The following STARD13 variants were observed in gnomAD, a reference collection of about 807,000 sequenced individuals.
STARD13 encodes StAR related lipid transfer domain containing 13.
A neutral mutation model predicts 106.4 loss-of-function variants in STARD13; 62 were observed. The observed-to-expected ratio is 0.58, with a 90% CI of 0.48 to 0.72. STARD13 has a LOEUF of 0.72. Among genes scored for constraint, STARD13 ranks in the 30% least tolerant of loss-of-function variants. The pLI is 0.00. For synonymous variants in STARD13, 565 were observed against 553.0 expected, an observed-to-expected ratio of 1.02 and a Z score of -0.31; for missense variants, 1,387 against 1,424.0, an observed-to-expected ratio of 0.97 and a Z score of 0.42.
the STARD13 span, among the ~76,000 whole-genome samples, chr13:33,591,038 A>G: frequency 6.4e-4 from 97 of 152,380 alleles, 2 homozygotes; most frequent in East Asian, 0.018. Context: ...TTCTAATAAC[A>G]TTTGGAATTT....
the STARD13 span, among the ~76,000 whole-genome samples, chr13:33,355,854 T>A: frequency 2.6e-5 from 4 of 152,248 alleles, no homozygotes; most frequent in Non-Finnish European, 5.9e-5. Flanking sequence ...CTTTGAATGC[T>A]AACAATTTTG....
the STARD13 span, among the ~76,000 whole-genome samples, chr13:33,588,327 A>C: frequency 6.6e-6 from 1 of 152,216 alleles, no homozygotes; most frequent in South Asian, 2.1e-4. Context: ...TTCTAATAGA[A>C]GGTCTTAGAT....
At chr13:33,428,365 C>G in the STARD13 span, among the ~76,000 whole-genome samples, 1 of 152,000 alleles carries the variant, frequency 6.6e-6, no homozygotes, top group Non-Finnish European at 1.5e-5. Context: ...GTAAAGGAAA[C>G]AGCAGAGCAA....
chr13:33,126,327 C>T (rs1877168765), intron 6 of STARD13, 87 bp from the exon 7 acceptor site: 4 of 1,352,414 alleles, frequency 3.0e-6, no homozygotes, highest in African/African-American at 1.4e-5. Context: ...GGAAGCCAGG[C>T]TTTTGTTGGA....
chr13:33,666,870 G>A, the STARD13 span, among the ~76,000 whole-genome samples: 56 of 152,318 alleles, frequency 3.7e-4, no homozygotes, highest in Non-Finnish European at 6.2e-4. Flanking sequence ...GGGATTACAG[G>A]CGGGAGCCCC....
chr13:33,117,610 T>G (rs1046086801), intron 8 of STARD13: 1 of 979,318 alleles, frequency 1.0e-6, no homozygotes, highest in Non-Finnish European at 1.2e-6. Flanking sequence ...TTTTCACCAA[T>G]GAAGATACTT....
At chr13:33,399,963 C>A in the STARD13 span, among the ~76,000 whole-genome samples, 1 of 152,018 alleles carries the variant, frequency 6.6e-6, no homozygotes, top group Non-Finnish European at 1.5e-5. Context: ...AAATTGAATA[C>A]ATTCAAGGTA....
At chr13:33,464,043 G>GTATATGTATATATATATA in the STARD13 span, among the ~76,000 whole-genome samples, 2 of 112,756 alleles carry the variant, frequency 1.8e-5, no homozygotes, top group Non-Finnish European at 3.9e-5. Context: ...ATATATATAT[G>GTATATGTATATATATATA]TATATGTATA....
the STARD13 span, among the ~76,000 whole-genome samples, chr13:33,576,298 C>T: frequency 1.3e-5 from 2 of 152,228 alleles, no homozygotes; most frequent in African/African-American, 4.8e-5. Flanking sequence ...TCATAACTCA[C>T]TGCAGCCTTG....
At chr13:33,128,805 A>T in intron 5 of STARD13, 124 bp downstream of exon 5, 1 of 942,494 alleles carries the variant, frequency 1.1e-6, no homozygotes, top group Non-Finnish European at 1.6e-6. Context: ...TCCTAATCAC[A>T]TACATCACTT....
chr13:33,111,796 T>C lies in STARD13; in HGVS notation c.2589A>G (p.Glu863=). The change falls in exon 10 of 14, where the codon GAA becomes GAG. Residue 863 remains glutamate, a synonymous_variant. Transcript: ENST00000336934. ...TGCTCACCTCAAAAAGTCTGTCGCATTCCATGATCATGTGCGCTAGCCCCT... is the reference window on the plus strand; with the variant it reads ...TGCTCACCTCAAAAAGTCTGTCGCACTCCATGATCATGTGCGCTAGCCCCT... The part of the protein sequence containing the change: ...AAQGLAHMIM[E]CDRLFEVPHE... The C allele has an allele frequency of 1.9e-6, 3 of 1,613,990 alleles. No homozygotes were observed. The South Asian group carries it at 3.3e-5, about 18-fold the overall frequency.
chr13:33,341,313 C>CA (rs1267907930), intron 1 of STARD13, among the ~76,000 whole-genome samples: 1 of 152,056 alleles, frequency 6.6e-6, no homozygotes, highest in Non-Finnish European at 1.5e-5. Context: ...TGGTGGCTTA[C>CA]AAAAAATCAT....
At chr13:33,543,897 G>A in the STARD13 span, among the ~76,000 whole-genome samples, 26 of 152,168 alleles carry the variant, frequency 1.7e-4, no homozygotes, top group Non-Finnish European at 3.1e-4. Context: ...AAAATATACT[G>A]GTGATACTAA....
At chr13:33,469,955 G>A in the STARD13 span, among the ~76,000 whole-genome samples, 4 of 151,932 alleles carry the variant, frequency 2.6e-5, no homozygotes, top group African/African-American at 7.3e-5. Flanking sequence ...TGTGCAAAAC[G>A]TGCAGGTTTA....
the STARD13 span, among the ~76,000 whole-genome samples, chr13:33,427,241 A>G: frequency 9.2e-5 from 14 of 152,212 alleles, no homozygotes; most frequent in South Asian, 2.1e-4. Flanking sequence ...AGGCTAGTTA[A>G]GTGACAGGGA....
At chr13:33,673,550 C>CCTTTTTTTTT in the STARD13 span, among the ~76,000 whole-genome samples, 2 of 137,182 alleles carry the variant, frequency 1.5e-5, no homozygotes, top group African/African-American at 6.0e-5. Context: ...ACTATTAACT[C>CCTTTTTTTTT]TTTTTTTTTT....
chr13:33,668,060 C>T, the STARD13 span, among the ~76,000 whole-genome samples: 2 of 152,196 alleles, frequency 1.3e-5, no homozygotes, highest in Non-Finnish European at 2.9e-5. Context: ...TTTCCTTTTT[C>T]TGTCCATAGA....
At chr13:33,263,719 G>A (rs1486923701) in intron 1 of STARD13, among the ~76,000 whole-genome samples, 5 of 152,158 alleles carry the variant, frequency 3.3e-5, no homozygotes, top group Non-Finnish European at 1.5e-5. Flanking sequence ...TCATGTTGGG[G>A]ACAAAAGAAC....
rs199767190 is a variant in STARD13 at position 33,285,562 on chromosome 13, A to G, written c.77T>C (p.Met26Thr). 136 of 1,613,930 alleles carry G rather than the reference A, an allele frequency of 8.4e-5. No individual in the cohort carries two copies. Among genetic ancestry groups the G allele is most frequent in the Non-Finnish European group, 1.0e-4 (119 of 1,179,924 alleles). The change falls in exon 1 of 14, where the codon ATG becomes ACG. Residue 26 changes from methionine (M) to threonine (T), a missense_variant. By Grantham distance (81) the Met-to-Thr change is moderately conservative. Transcript: ENST00000336934. ...LNSMTPEGQE[M>T]YLRFDQTTRR... ...TGTAGTCTGATCAAATCGCAAGTAC[A>G]TCTCCTGGCCCTCAGGTGTCATGGA...
Sources: gnomAD v4.1 joint callset for allele counts (sites outside exome capture counted in the v4.1 genomes callset) on GRCh38, gnomAD v4.1.1 for gene constraint, MANE v1.5 for transcripts, NCBI Gene and HGNC (gene_info 2026-07-23, HGNC 2026-07-21) for gene names.